Variants in PCMTD1 observed in about 807,000 individuals in gnomAD.
PCMTD1 encodes the protein protein-L-isoaspartate (D-aspartate) O-methyltransferase domain containing 1.
A neutral mutation model predicts 37.6 loss-of-function variants in PCMTD1; 12 were observed. That is an observed-to-expected ratio of 0.32 (90% CI 0.20 to 0.52). PCMTD1 has a LOEUF of 0.52. PCMTD1 is among the 20% of genes least tolerant of loss of function. The pLI, the probability that PCMTD1 is intolerant of heterozygous loss-of-function variation, is 0.97. For missense variants in PCMTD1, 235 were observed against 421.3 expected (o/e 0.56, Z 3.87); for synonymous variants, 117 against 135.8 (o/e 0.86, Z 0.96).
intron 1 of PCMTD1, among the ~76,000 whole-genome samples, chr8:51,875,201 T>C (rs545114860): frequency 6.6e-6 from 1 of 152,192 alleles, no homozygotes; most frequent in Non-Finnish European, 1.5e-5. Context: ...TTATGACAGC[T>C]TGTAGAACAT....
chr8:51,857,472 G>C (rs2038408376), intron 2 of PCMTD1, among the ~76,000 whole-genome samples: 1 of 152,162 alleles, frequency 6.6e-6, no homozygotes, highest in South Asian at 2.1e-4. Flanking sequence ...GAATCACAAA[G>C]AGTTTATCAG....
At chr8:51,856,470 T>C (rs2038391691) in intron 2 of PCMTD1, among the ~76,000 whole-genome samples, 1 of 152,164 alleles carries the variant, frequency 6.6e-6, no homozygotes, top group African/African-American at 2.4e-5. Context: ...AAAACATAAA[T>C]TTACCATACA....
chr8:51,838,315 T>C (rs1192537773), intron 3 of PCMTD1, among the ~76,000 whole-genome samples: 1 of 152,016 alleles, frequency 6.6e-6, no homozygotes, highest in Non-Finnish European at 1.5e-5. Context: ...GGCAAGACCC[T>C]GTCTCTACAA....
At chr8:51,852,545 C>CTAATTTTATTCCTAAATT (rs2038323263) in intron 2 of PCMTD1, among the ~76,000 whole-genome samples, 1 of 152,132 alleles carries the variant, frequency 6.6e-6, no homozygotes, top group Admixed American at 6.5e-5. Context: ...AAATTTGCTT[C>CTAATTTTATTCCTAAATT]TGACTCCAAG....
chr8:51,825,358 C>T (rs2037906791), intron 5 of PCMTD1, among the ~76,000 whole-genome samples: 1 of 150,840 alleles, frequency 6.6e-6, no homozygotes, highest in Non-Finnish European at 1.5e-5. Flanking sequence ...AAAACAACCC[C>T]ATCAAAAAGT....
chr8:51,830,390 C>A (rs2037981450), intron 5 of PCMTD1, among the ~76,000 whole-genome samples: 1 of 152,206 alleles, frequency 6.6e-6, no homozygotes, highest in Admixed American at 6.5e-5. Context: ...AGGAAAATGT[C>A]AGACCTTTCT....
intron 1 of PCMTD1, among the ~76,000 whole-genome samples, chr8:51,888,603 T>C (rs1345175605): frequency 6.6e-6 from 1 of 152,218 alleles, no homozygotes; most frequent in Non-Finnish European, 1.5e-5. Flanking sequence ...GCCTTTATTT[T>C]ACCATTGGCC....
intron 1 of PCMTD1, among the ~76,000 whole-genome samples, chr8:51,894,830 C>T (rs746158767): frequency 6.6e-6 from 1 of 151,130 alleles, no homozygotes; most frequent in Non-Finnish European, 1.5e-5. Context: ...GAGAGAAGAA[C>T]CAAGGATGAC....
chr8:51,851,531 G>T (rs1234291052), intron 2 of PCMTD1, among the ~76,000 whole-genome samples: 1 of 151,992 alleles, frequency 6.6e-6, no homozygotes, highest in Non-Finnish European at 1.5e-5. Flanking sequence ...CTCAATGTGC[G>T]CAATAGAATA....
At chr8:51,823,524 T>G (rs1276554052) in intron 5 of PCMTD1, among the ~76,000 whole-genome samples, 1 of 152,158 alleles carries the variant, frequency 6.6e-6, no homozygotes, top group East Asian at 1.9e-4. Flanking sequence ...TAAGTCTCAG[T>G]CCTAATTATT....
At chr8:51,849,834 T>C (rs149419503) in intron 2 of PCMTD1, 9,975 of 504,744 alleles carry the variant, frequency 0.02, 146 homozygotes, top group Non-Finnish European at 0.024. Flanking sequence ...TTTTTATTTA[T>C]GTCTATGTTC....
chr8:51,850,912 T>C (rs1351437901), intron 2 of PCMTD1, among the ~76,000 whole-genome samples: 1 of 152,216 alleles, frequency 6.6e-6, no homozygotes, highest in African/African-American at 2.4e-5. Context: ...GGTTTCACTC[T>C]TTCTTTTCAC....
intron 1 of PCMTD1, among the ~76,000 whole-genome samples, chr8:51,871,693 C>T (rs2038641445): frequency 2.6e-5 from 4 of 152,122 alleles, no homozygotes; most frequent in Admixed American, 2.0e-4. Context: ...ATGGTCTTAG[C>T]GAACATCTAA....
At chr8:51,898,885 C>G (rs1340182700) in intron 1 of PCMTD1, 45 bp downstream of exon 1, 1 of 1,272,628 alleles carries the variant, frequency 7.9e-7, no homozygotes, top group African/African-American at 1.5e-5. Flanking sequence ...GCACGCGGGA[C>G]TCGCACACCC....
rs2037780164 is a variant in PCMTD1 at position 51,817,804 on chromosome 8, T to G, written c.*2547A>C. The stretch of plus-strand genomic sequence containing the variant: ...ATAGATTTAAATTATCTTCTTGGGT[T>G]GGTCTGAGGTTGCTGATGGATTCTT... On this transcript the variant is annotated 3_prime_UTR_variant, in exon 6 of 6. Transcript: ENST00000522514. 2.2e-6 allele frequency: 1 copy of G among 456,154 alleles called. No homozygotes were observed. Among genetic ancestry groups the G allele is most frequent in the Admixed American group, 2.4e-5 (1 of 42,496 alleles). The allele number at this position is 456,154 out of a possible 1,614,324, so 28.3% of individuals were successfully genotyped here. A position where few individuals can be genotyped will look rare whatever the true frequency, so the allele number is the denominator to read the frequency against.
intron 2 of PCMTD1, chr8:51,849,821 T>C (rs1246416353): frequency 1.0e-5 from 5 of 490,680 alleles, no homozygotes; most frequent in Non-Finnish European, 1.8e-5. Context: ...GCAATACCAA[T>C]ATTTTTTATT....
At chr8:51,884,443 T>C (rs1407145777) in intron 1 of PCMTD1, among the ~76,000 whole-genome samples, 1 of 152,208 alleles carries the variant, frequency 6.6e-6, no homozygotes, top group Non-Finnish European at 1.5e-5. Flanking sequence ...AGTTTCTGAA[T>C]GGCAAAAGGG....
chr8:51,865,807 T>C lies in PCMTD1; in HGVS notation c.-95-4561A>G, dbSNP rs1180029785. ...TTCTATTCAACACAGAACAAAATGC[T>C]AGCTGGAACAATTAAACAAGAAAAA... On this transcript the variant is annotated intron_variant, in intron 1 of 5. Transcript: ENST00000522514. Among the ~76,000 whole-genome samples the C allele has an allele frequency of 4.6e-5, 7 of 151,558 alleles. 1 individual carries two copies. Among genetic ancestry groups the C allele is most frequent in the Admixed American group, 4.6e-4 (7 of 15,188 alleles).
At chr8:51,874,541 T>A (rs2038685337) in intron 1 of PCMTD1, among the ~76,000 whole-genome samples, 1 of 152,188 alleles carries the variant, frequency 6.6e-6, no homozygotes, top group African/African-American at 2.4e-5. Context: ...TTATAATAAA[T>A]TCATAAAACT....
Sources: gnomAD v4.1 joint callset for allele counts (sites outside exome capture counted in the v4.1 genomes callset) on GRCh38, gnomAD v4.1.1 for gene constraint, MANE v1.5 for transcripts, NCBI Gene and HGNC (gene_info 2026-07-23, HGNC 2026-07-21) for gene names.